CDH4: variants seen among roughly 807,000 people sequenced by gnomAD.
CDH4 encodes cadherin 4, also known as cadherin-4.
CDH4 carries 33 observed loss-of-function variants against 86.0 expected under a neutral mutation model. The observed-to-expected ratio is 0.38, with a 90% CI of 0.29 to 0.51. CDH4 has a LOEUF of 0.51. Ranked by LOEUF, CDH4 falls within the 20% of genes least tolerant of loss-of-function variation. The pLI is 0.86. For synonymous variants in CDH4, 555 were observed against 549.4 expected (o/e 1.01, Z -0.14); for missense variants, 1,114 against 1,307.4 (o/e 0.85, Z 2.28).
In CDH4 at chr20:61,754,283, A is replaced by G. The variant is rs1223535577; in HGVS notation, c.396+10494A>G. Among the ~76,000 whole-genome samples the G allele has an allele frequency of 6.6e-6, 1 of 152,178 alleles. No homozygotes were observed. Among genetic ancestry groups the G allele is most frequent in the Non-Finnish European group, 1.5e-5 (1 of 68,026 alleles). On this transcript the variant is annotated intron_variant, in intron 3 of 15. Coordinates refer to ENST00000614565, the MANE Select transcript of CDH4 (RefSeq NM_001794.5). The surrounding 1 kb of genome is among the most constrained non-coding windows in gnomAD (Gnocchi z 4.7). ...GCCGAGGTGGAGACTCAGATGGCAG[A>G]GTGCAGACAGACCCCAAGGCATCCC...
rs376653319 is a variant in CDH4, at chr20:61,799,296, C to G, written c.576+26114C>G. Among the ~76,000 whole-genome samples the G allele has an allele frequency of 2.0e-4, 31 of 152,252 alleles. No individual in the cohort carries two copies. In the South Asian group the frequency reaches 5.0e-3, roughly 24 times the overall value. ...GGTGTGAGTGTTGAGTTGGGCGAAA[C>G]CCAGCTGCTACCTCCAGGAGAAAAA... On this transcript the variant is annotated intron_variant, in intron 4 of 15. Coordinates refer to ENST00000614565, the MANE Select transcript of CDH4 (RefSeq NM_001794.5).
At chr20:61,694,588 T>A (rs2087696209) in intron 2 of CDH4, among the ~76,000 whole-genome samples, 1 of 152,120 alleles carries the variant, frequency 6.6e-6, no homozygotes, top group Non-Finnish European at 1.5e-5. Context: ...CCCAAGATAA[T>A]GAGCACACTT....
In CDH4 at chr20:61,700,270, C is replaced by T. The variant is rs150749363; in HGVS notation, c.170-43293C>T. The stretch of plus-strand genomic sequence containing the variant: ...TCCCTAGATCTGCACGTCAGGGGAG[C>T]GCTCAGCATCGACAGGGAAGACAGT... On this transcript the variant is annotated intron_variant, in intron 2 of 15. Transcript: ENST00000614565. 1.2e-3 allele frequency among the ~76,000 whole-genome samples: 188 copies of T among 152,308 alleles called. 1 individual carries two copies. Among genetic ancestry groups the T allele is most frequent in the African/African-American group, 4.0e-3 (168 of 41,558 alleles).
At chr20:61,735,168 G>T (rs1055490162) in intron 2 of CDH4, among the ~76,000 whole-genome samples, 2 of 152,178 alleles carry the variant, frequency 1.3e-5, no homozygotes, top group Non-Finnish European at 2.9e-5. Flanking sequence ...CCCACTCCAG[G>T]GAGATGTGTG....
At chr20:61,504,412 A>C (rs997347946) in intron 2 of CDH4, among the ~76,000 whole-genome samples, 1 of 152,170 alleles carries the variant, frequency 6.6e-6, no homozygotes, top group Admixed American at 6.5e-5. Context: ...TGGCTCCTTA[A>C]ACATGACCTT....
intron 4 of CDH4, among the ~76,000 whole-genome samples, chr20:61,843,897 C>G (rs1401621043): frequency 1.3e-5 from 2 of 152,218 alleles, no homozygotes; most frequent in South Asian, 2.1e-4. Context: ...GTGGCCTCCC[C>G]CAACTTCCCT....
At chr20:61,841,399 CTCTA>C (rs1982164968) in intron 4 of CDH4, among the ~76,000 whole-genome samples, 1 of 152,200 alleles carries the variant, frequency 6.6e-6, no homozygotes, top group African/African-American at 2.4e-5. Flanking sequence ...GGCTCCTCCC[CTCTA>C]TCTAGACGTT....
chr20:61,702,639 T>G (rs1252876496), intron 2 of CDH4, among the ~76,000 whole-genome samples: 13 of 152,240 alleles, frequency 8.5e-5, no homozygotes, highest in Admixed American at 8.5e-4. Context: ...TACACACTTT[T>G]TAATTTATCT....
intron 2 of CDH4, among the ~76,000 whole-genome samples, chr20:61,548,988 G>A (rs1434987655): frequency 6.6e-6 from 1 of 152,110 alleles, no homozygotes; most frequent in East Asian, 1.9e-4. Context: ...GGTCTCGGGG[G>A]GAGAGGCGGG....
chr20:61,465,886 G>A (rs1372010429), intron 2 of CDH4, among the ~76,000 whole-genome samples: 1 of 149,218 alleles, frequency 6.7e-6, no homozygotes, highest in African/African-American at 2.5e-5. Flanking sequence ...TTTGCAGGGT[G>A]GCAGGAGGAT....
intron 3 of CDH4, among the ~76,000 whole-genome samples, chr20:61,757,495 G>T (rs1301308171): frequency 6.6e-6 from 1 of 152,356 alleles, no homozygotes; most frequent in South Asian, 2.1e-4. Context: ...GGTGCCCAGG[G>T]CCCCAGGGGC....
intron 2 of CDH4, among the ~76,000 whole-genome samples, chr20:61,639,321 A>AG (rs1181810534): frequency 8.9e-4 from 135 of 152,152 alleles, no homozygotes; most frequent in African/African-American, 3.2e-3. Flanking sequence ...CCTCCTTTGG[A>AG]GGCGGGGGGC....
At position 61,900,386 on chromosome 20, in the gene CDH4, T is replaced by G. The variant is rs144443801; in HGVS notation, c.1188+5339T>G. Among the ~76,000 whole-genome samples, 1,060 of 152,236 alleles carry G rather than the reference T, an allele frequency of 7.0e-3. 9 individuals carry two copies. Among genetic ancestry groups the G allele is most frequent in the Non-Finnish European group, 0.01 (706 of 68,018 alleles). The stretch of plus-strand genomic sequence containing the variant: ...ATAAATCATTAATTGGAGCCAACTT[T>G]TCCGAGCACAGAGGTGGCAGCCGCA... On this transcript the variant is annotated intron_variant, in intron 8 of 15. Coordinates refer to ENST00000614565, the MANE Select transcript of CDH4 (RefSeq NM_001794.5).
chr20:61,712,931 G>A (rs2087909012), intron 2 of CDH4, among the ~76,000 whole-genome samples: 1 of 152,148 alleles, frequency 6.6e-6, no homozygotes, highest in Non-Finnish European at 1.5e-5. Flanking sequence ...AAATGTTAAT[G>A]TGCTAATAGA....
chr20:61,586,172 ATGT>A (rs376598193), intron 2 of CDH4, among the ~76,000 whole-genome samples: 4,000 of 151,690 alleles, frequency 0.026, 69 homozygotes, highest in Middle Eastern at 0.075. Context: ...AATGATGATG[ATGT>A]TTATAGTGAT....
intron 15 of CDH4, among the ~76,000 whole-genome samples, chr20:61,934,750 C>T (rs1265668366): frequency 3.2e-5 from 4 of 124,196 alleles, no homozygotes; most frequent in East Asian, 2.7e-4. Flanking sequence ...ACACCCCAAA[C>T]ATCAGGACAC....
At chr20:61,755,713 T>C (rs1600951353) in intron 3 of CDH4, among the ~76,000 whole-genome samples, 1 of 141,398 alleles carries the variant, frequency 7.1e-6, no homozygotes, top group African/African-American at 2.5e-5. Flanking sequence ...ACCACATACA[T>C]GAATCGCATG....
At chr20:61,287,974 C>G (rs112442028) in intron 2 of CDH4, among the ~76,000 whole-genome samples, 1 of 152,084 alleles carries the variant, frequency 6.6e-6, no homozygotes, top group East Asian at 1.9e-4. Context: ...GAAATCAGCA[C>G]GAGGGCTATG....
chr20:61,783,860 G>A (rs77537930), intron 4 of CDH4, among the ~76,000 whole-genome samples: 360 of 28,670 alleles, frequency 0.013, 6 homozygotes, highest in Middle Eastern at 0.026. Context: ...GCCCTCAGAT[G>A]TCCTGTGCCC....
Sources: allele counts gnomAD v4.1 joint callset (sites outside exome capture counted in the v4.1 genomes callset), GRCh38; gene constraint gnomAD v4.1.1; non-coding constraint Gnocchi (gnomAD v3.1); transcripts MANE v1.5; gene names NCBI Gene and HGNC (gene_info 2026-07-23, HGNC 2026-07-21).